The following ABHD2 variants were observed in gnomAD, a reference collection of about 807,000 sequenced individuals.
ABHD2 encodes abhydrolase domain containing 2, acylglycerol lipase, also known as monoacylglycerol lipase ABHD2.
Under a neutral mutation model 48.1 loss-of-function variants are expected in ABHD2, and 20 were observed. That is an observed-to-expected ratio of 0.42 (90% confidence interval 0.29 to 0.60). ABHD2 has a LOEUF of 0.60. Ranked by LOEUF, ABHD2 falls within the 20% of genes least tolerant of loss-of-function variation. The pLI, the probability that ABHD2 is intolerant of heterozygous loss-of-function variation, is 0.24. For synonymous variants in ABHD2, 209 were observed against 214.2 expected (o/e 0.98, Z 0.21); for missense variants, 405 against 550.9 (o/e 0.74, Z 2.65).
intron 3 of ABHD2, among the ~76,000 whole-genome samples, chr15:89,121,200 A>T (rs1031995712): frequency 5.9e-5 from 9 of 152,218 alleles, no homozygotes; most frequent in Admixed American, 5.9e-4. Context: ...GGATAAAATG[A>T]TAGCCCCTCT....
At chr15:89,183,384 A>AAAATATAT (rs61602174) in intron 6 of ABHD2, 775 of 46,158 alleles carry the variant, frequency 0.017, 40 homozygotes, top group Non-Finnish European at 0.025. Context: ...AAAAAAAAAA[A>AAAATATAT]ATATATATAT....
intron 3 of ABHD2, chr15:89,135,770 T>C: frequency 1.1e-6 from 1 of 890,078 alleles, no homozygotes; most frequent in Non-Finnish European, 1.9e-6. Flanking sequence ...AGCAATGTTA[T>C]TCCACATCTC....
rs748847448 is a variant in ABHD2 at position 89,199,483 on chromosome 15, C to A, written c.*4060C>A. The A allele has an allele frequency of 1.3e-5, 2 of 152,588 alleles. No individual in the cohort carries two copies. The highest frequency in any genetic ancestry group is 2.4e-5 in the African/African-American group (1 of 41,442). 9.5% of individuals were successfully genotyped at this position (152,588 alleles called of 1,614,324 possible). A position where few individuals can be genotyped will look rare whatever the true frequency, so the allele number is the denominator to read the frequency against. On this transcript the variant is annotated 3_prime_UTR_variant, in exon 11 of 11. Coordinates refer to ENST00000352732, the MANE Select transcript of ABHD2 (RefSeq NM_152924.5). The surrounding 1 kb of genome is among the most constrained non-coding windows in gnomAD (Gnocchi z 4.1). ...AATCCCTGGTATTACAACGATATTGCGGCATTAGAATTCCAACTCTTCTGC... is the reference window on the plus strand; with the variant it reads ...AATCCCTGGTATTACAACGATATTGAGGCATTAGAATTCCAACTCTTCTGC...
At chr15:89,058,960 G>C in the ABHD2 span, among the ~76,000 whole-genome samples, 1 of 152,158 alleles carries the variant, frequency 6.6e-6, no homozygotes, top group African/African-American at 2.4e-5. Context: ...CATCTGCCTA[G>C]TCACCAGCTG....
chr15:89,165,692 T>A (rs1032189749), intron 5 of ABHD2, among the ~76,000 whole-genome samples: 2 of 152,200 alleles, frequency 1.3e-5, no homozygotes, highest in Admixed American at 6.5e-5. Flanking sequence ...TCAAGGAAGA[T>A]GAAGAAGTCA....
the ABHD2 span, among the ~76,000 whole-genome samples, chr15:89,065,022 T>C: frequency 6.6e-6 from 1 of 152,148 alleles, no homozygotes; most frequent in Non-Finnish European, 1.5e-5. Context: ...TTTTATCATA[T>C]GAGTATGTAC....
At chr15:89,087,951 T>C (rs1431167641), upstream of ABHD2, 2 of 152,124 alleles carry the variant, frequency 1.3e-5, no homozygotes, top group Non-Finnish European at 2.9e-5. This position sits in a 1 kb window ranked among gnomAD's most constrained non-coding sequence, Gnocchi z 5.5. Flanking sequence ...CCTGCGAAAT[T>C]TGAGTACACG....
At chr15:89,138,202 T>A (rs2050345050) in intron 3 of ABHD2, among the ~76,000 whole-genome samples, 1 of 152,234 alleles carries the variant, frequency 6.6e-6, no homozygotes, top group Admixed American at 6.5e-5. Flanking sequence ...CCGGCTTCCT[T>A]ACCTTTCCTG....
At chr15:89,046,968 A>G in the ABHD2 span, among the ~76,000 whole-genome samples, 1 of 151,684 alleles carries the variant, frequency 6.6e-6, no homozygotes, top group African/African-American at 2.4e-5. Flanking sequence ...TTGCTTTTCT[A>G]GTTCTTTTAA....
chr15:89,130,416 G>A (rs1350084495), intron 3 of ABHD2, among the ~76,000 whole-genome samples: 1 of 152,184 alleles, frequency 6.6e-6, no homozygotes, highest in Non-Finnish European at 1.5e-5. Context: ...TACCGGAAAT[G>A]GCACTTGGTC....
At chr15:89,161,929 T>C (rs1361740350) in intron 5 of ABHD2, among the ~76,000 whole-genome samples, 1 of 152,220 alleles carries the variant, frequency 6.6e-6, no homozygotes, top group Non-Finnish European at 1.5e-5. Flanking sequence ...TGGTTTCTTC[T>C]GAGACCTCTC....
chr15:89,151,552 T>C lies in ABHD2; in HGVS notation c.195-125T>C. 9.9e-7 allele frequency: 1 copy of C among 1,010,238 alleles called. No homozygotes were observed. Among genetic ancestry groups the C allele is most frequent in the Non-Finnish European group, 1.5e-6 (1 of 687,412 alleles). 62.6% of individuals were successfully genotyped at this position (1,010,238 alleles called of 1,614,324 possible). On this transcript the variant is annotated intron_variant, in intron 3 of 10. Coordinates refer to ENST00000352732, the MANE Select transcript of ABHD2 (RefSeq NM_152924.5). The surrounding 1 kb of genome is among the most constrained non-coding windows in gnomAD (Gnocchi z 4.7). ...CGGATGTAACGTAATAAAAGCCTCA[T>C]GTTTATGCTTTGTGTGCAGAATTTC... is the stretch of plus-strand genomic sequence containing the variant.
intron 1 of ABHD2, among the ~76,000 whole-genome samples, chr15:89,095,607 C>T (rs1437670475): frequency 3.9e-5 from 6 of 152,206 alleles, no homozygotes; most frequent in Non-Finnish European, 7.3e-5. Flanking sequence ...TGTACTTAAA[C>T]TTACTAAATC....
At chr15:89,133,286 A>G (rs2050249032) in intron 3 of ABHD2, among the ~76,000 whole-genome samples, 1 of 152,180 alleles carries the variant, frequency 6.6e-6, no homozygotes, top group Admixed American at 6.5e-5. Context: ...AGTTTGTTTA[A>G]CCAGTCTCCT....
intron 3 of ABHD2, among the ~76,000 whole-genome samples, chr15:89,141,540 C>T (rs116389019): frequency 0.03 from 4,607 of 152,070 alleles, 237 homozygotes; most frequent in African/African-American, 0.11. Flanking sequence ...GGCTGAGGTG[C>T]GAGAATCGCT....
chr15:89,113,448 T>G (rs530770962), intron 1 of ABHD2, among the ~76,000 whole-genome samples: 1 of 152,246 alleles, frequency 6.6e-6, no homozygotes, highest in South Asian at 2.1e-4. Flanking sequence ...AGATAAAGGT[T>G]CAAAGCAGTG....
chr15:89,118,928 G>A (rs955039188), intron 3 of ABHD2, among the ~76,000 whole-genome samples: 1 of 151,868 alleles, frequency 6.6e-6, no homozygotes, highest in East Asian at 1.9e-4. Flanking sequence ...TACTGAAATG[G>A]CTCCCACCCA....
rs73467780 is a variant in ABHD2 at position 89,137,275 on chromosome 15, G to C, written c.195-14402G>C. Among the ~76,000 whole-genome samples the C allele has an allele frequency of 2.0e-3, 301 of 152,284 alleles. No individual in the cohort carries two copies. Among genetic ancestry groups the C allele is most frequent in the African/African-American group, 6.8e-3 (284 of 41,560 alleles). On this transcript the variant is annotated intron_variant, in intron 3 of 10. Transcript: ENST00000352732. The surrounding 1 kb of genome is among the most constrained non-coding windows in gnomAD (Gnocchi z 4.8). The stretch of plus-strand genomic sequence containing the variant: ...CTAGGGAGGATGTGACCAGTTCCGC[G>C]TGCTGTTTGTGAACAGGAAGATAGT...
rs1032564343 is a variant in ABHD2, at chr15:89,146,735, G to C, written c.195-4942G>C. 1.3e-5 allele frequency among the ~76,000 whole-genome samples: 2 copies of C among 152,068 alleles called. No homozygotes were observed. The highest frequency in any genetic ancestry group is 2.4e-5 in the African/African-American group (1 of 41,390). On this transcript the variant is annotated intron_variant, in intron 3 of 10. Coordinates refer to ENST00000352732, the MANE Select transcript of ABHD2 (RefSeq NM_152924.5). This position sits in a 1 kb window ranked among gnomAD's most constrained non-coding sequence, Gnocchi z 4.2. ...ACAGAAAGACATGCAAATTAGCGTA[G>C]TAAAAATGGAATATTCTGTAAAACA... is the stretch of plus-strand genomic sequence containing the variant.
Sources: gnomAD v4.1 joint callset for allele counts (sites outside exome capture counted in the v4.1 genomes callset) on GRCh38, gnomAD v4.1.1 for gene constraint, Gnocchi (gnomAD v3.1) non-coding constraint, MANE v1.5 for transcripts, NCBI Gene and HGNC (gene_info 2026-07-23, HGNC 2026-07-21) for gene names.